HBP1: variants seen among roughly 807,000 people sequenced by gnomAD.
HBP1 encodes the protein HMG box-containing protein 1.
Under a neutral mutation model 62.6 loss-of-function variants are expected in HBP1, and 20 were observed. The observed-to-expected ratio is 0.32, with a 90% CI of 0.22 to 0.46. The LOEUF is 0.46. Ranked by LOEUF, HBP1 falls within the 20% of genes least tolerant of loss-of-function variation. The pLI, the probability that HBP1 is intolerant of heterozygous loss-of-function variation, is 1.00. For missense variants in HBP1, 480 were observed against 611.8 expected, an observed-to-expected ratio of 0.78 and a Z score of 2.27; for synonymous variants, 232 against 206.2, an observed-to-expected ratio of 1.12 and a Z score of -1.07.
intron 1 of HBP1, among the ~76,000 whole-genome samples, chr7:107,178,221 C>G (rs932685959): frequency 6.6e-6 from 1 of 152,086 alleles, no homozygotes; most frequent in Non-Finnish European, 1.5e-5. Flanking sequence ...ATTGCCCAGG[C>G]TGGATTCCAA....
At chr7:107,187,395 A>C (rs1294251473) in intron 6 of HBP1, among the ~76,000 whole-genome samples, 30 of 152,220 alleles carry the variant, frequency 2.0e-4, no homozygotes, top group Non-Finnish European at 8.8e-5. Context: ...TTTCATATTA[A>C]GTTACTAAAA....
chr7:107,184,259 T>A (rs1360709161), intron 3 of HBP1, among the ~76,000 whole-genome samples: 1 of 152,276 alleles, frequency 6.6e-6, no homozygotes, highest in South Asian at 2.1e-4. Flanking sequence ...GGATGGGCAG[T>A]TTTTGGGCAA....
intron 1 of HBP1, among the ~76,000 whole-genome samples, chr7:107,171,061 ATATATATATATAT>A (rs1462351012): frequency 3.1e-5 from 2 of 64,950 alleles, no homozygotes; most frequent in East Asian, 7.2e-4. Context: ...ATATATATAT[ATATATATATATAT>A]TTTTTTTTTT....
chr7:107,179,030 T>C (rs1004777966), intron 1 of HBP1, among the ~76,000 whole-genome samples: 1 of 151,172 alleles, frequency 6.6e-6, no homozygotes, highest in African/African-American at 2.4e-5. Context: ...CGAGACTCCG[T>C]CTCAAAAAAA....
chr7:107,194,361 G>A (rs769269338), intron 8 of HBP1, among the ~76,000 whole-genome samples: 9 of 152,158 alleles, frequency 5.9e-5, no homozygotes, highest in Non-Finnish European at 1.0e-4. Flanking sequence ...CAGTGCTGAA[G>A]TTTGCTATTT....
intron 2 of HBP1, among the ~76,000 whole-genome samples, chr7:107,180,733 A>G (rs1309448963): frequency 6.6e-6 from 1 of 152,182 alleles, no homozygotes; most frequent in Non-Finnish European, 1.5e-5. Context: ...ATTATGTACT[A>G]TGGTAATGTT....
Position 107,176,010 on chromosome 7 carries a change from C to T in HBP1, c.-15-3869C>T, listed in dbSNP as rs570784281. ...GGATTACAGGCGTGAGCCACCGCAC[C>T]CGGCTTTTTTTCTTTTTTCATTTTT... is the stretch of plus-strand genomic sequence containing the variant. On this transcript the variant is annotated intron_variant, in intron 1 of 10. Coordinates refer to ENST00000222574, the MANE Select transcript of HBP1 (RefSeq NM_012257.4). 4.9e-5 allele frequency among the ~76,000 whole-genome samples: 7 copies of T among 142,530 alleles called. No homozygotes were observed. In the East Asian group the frequency reaches 1.5e-3, roughly 31 times the overall value. 93.5% of individuals were successfully genotyped at this position (142,530 alleles called of 152,430 possible).
At chr7:107,187,652 A>G (rs1211851077) in intron 6 of HBP1, among the ~76,000 whole-genome samples, 2 of 152,162 alleles carry the variant, frequency 1.3e-5, no homozygotes, top group African/African-American at 2.4e-5. Flanking sequence ...ACTTTAGTGA[A>G]GTTCACAATA....
chr7:107,194,563 G>C (rs893525727), intron 8 of HBP1, among the ~76,000 whole-genome samples: 2 of 152,212 alleles, frequency 1.3e-5, no homozygotes, highest in African/African-American at 2.4e-5. Flanking sequence ...AGTGGTAGAA[G>C]TCATTTACTG....
At chr7:107,177,959 A>G (rs1183131000) in intron 1 of HBP1, among the ~76,000 whole-genome samples, 1 of 152,208 alleles carries the variant, frequency 6.6e-6, no homozygotes, top group Non-Finnish European at 1.5e-5. Flanking sequence ...AAAGAAATTT[A>G]TCAGTGTCAT....
intron 1 of HBP1, among the ~76,000 whole-genome samples, chr7:107,169,482 G>C (rs1300045333): frequency 4.1e-5 from 6 of 146,836 alleles, no homozygotes; most frequent in African/African-American, 1.5e-4. Flanking sequence ...GGCCGGGCCG[G>C]GTGTGGAGAT....
chr7:107,178,068 C>G (rs949298134), intron 1 of HBP1, among the ~76,000 whole-genome samples: 1 of 152,038 alleles, frequency 6.6e-6, no homozygotes, highest in African/African-American at 2.4e-5. Context: ...GCACTGGGTG[C>G]TTGACTTTCA....
intron 2 of HBP1, among the ~76,000 whole-genome samples, chr7:107,180,929 T>A (rs1371593377): frequency 6.6e-6 from 1 of 152,164 alleles, no homozygotes; most frequent in Non-Finnish European, 1.5e-5. Context: ...GAGGGGAGTA[T>A]AAATAACATG....
intron 9 of HBP1, among the ~76,000 whole-genome samples, chr7:107,197,808 A>T (rs1016701100): frequency 6.6e-6 from 1 of 152,210 alleles, no homozygotes; most frequent in Non-Finnish European, 1.5e-5. Flanking sequence ...TTTTAAAAAA[A>T]GTTAGTTTGG....
chr7:107,174,221 G>A (rs190012518), intron 1 of HBP1, among the ~76,000 whole-genome samples: 3 of 152,334 alleles, frequency 2.0e-5, no homozygotes, highest in East Asian at 3.9e-4. Flanking sequence ...GCTAGTAAGA[G>A]TGAAACTGAA....
Position 107,177,264 on chromosome 7 carries a change from T to C in HBP1, c.-15-2615T>C, listed in dbSNP as rs193089147. Among the ~76,000 whole-genome samples the C allele has an allele frequency of 1.8e-4, 27 of 152,290 alleles. 1 individual carries two copies. The East Asian group carries it at 4.6e-3, about 26-fold the overall frequency. ...TCAGTCACTTAGGTCATATATTTGG[T>C]AAGTGATCAAGTTGGAATCAAAACC... is the stretch of plus-strand genomic sequence containing the variant. On this transcript the variant is annotated intron_variant, in intron 1 of 10. Transcript: ENST00000222574.
intron 4 of HBP1, 129 bp from the exon 5 acceptor site, chr7:107,186,232 T>G: frequency 1.8e-6 from 1 of 565,070 alleles, no homozygotes; most frequent in Non-Finnish European, 3.1e-6. Flanking sequence ...AGGCATTATA[T>G]TTTCCCTAAG....
chr7:107,172,589 T>A (rs1796652407), intron 1 of HBP1, among the ~76,000 whole-genome samples: 1 of 152,196 alleles, frequency 6.6e-6, no homozygotes, highest in Non-Finnish European at 1.5e-5. Context: ...CTTCTGCTAT[T>A]AATGGGTTTT....
intron 8 of HBP1, among the ~76,000 whole-genome samples, 153 bp downstream of exon 8, chr7:107,190,470 T>C (rs1169894406): frequency 6.6e-6 from 1 of 152,212 alleles, no homozygotes; most frequent in Non-Finnish European, 1.5e-5. Flanking sequence ...CATGAAAACA[T>C]ATTAGGTAAT....
Sources: gnomAD v4.1 joint callset for allele counts (sites outside exome capture counted in the v4.1 genomes callset) on GRCh38, gnomAD v4.1.1 for gene constraint, MANE v1.5 for transcripts, NCBI Gene and HGNC (gene_info 2026-07-23, HGNC 2026-07-21) for gene names.